The following ANO7 variants were observed in gnomAD, a reference collection of about 807,000 sequenced individuals.
ANO7 encodes the protein anoctamin 7.
ANO7 carries 114 observed loss-of-function variants against 115.8 expected under a neutral mutation model. That is an observed-to-expected ratio of 0.98 (90% CI 0.85 to 1.15). ANO7 has a LOEUF of 1.15. Ranked by LOEUF, ANO7 falls within the 50% of genes most tolerant of loss-of-function variation. ANO7 has a pLI of 0.00. For missense variants in ANO7, 1,302 were observed against 1,201.2 expected (o/e 1.08, Z -1.24); for synonymous variants, 550 against 498.2 (o/e 1.10, Z -1.38).
chr2:241,235,018 G>A, the ANO7 span: 3 of 1,408,988 alleles, frequency 2.1e-6, no homozygotes, highest in Non-Finnish European at 2.9e-6. Context: ...CCAGCCAGAT[G>A]TCGCTGGGAT....
chr2:241,215,418 G>A (rs1268014441), intron 18 of ANO7, among the ~76,000 whole-genome samples: 1 of 152,192 alleles, frequency 6.6e-6, no homozygotes, highest in Non-Finnish European at 1.5e-5. Context: ...CCCGCTCAAG[G>A]CCAGACTGAC....
intron 2 of ANO7, among the ~76,000 whole-genome samples, chr2:241,190,546 G>A (rs2068175595): frequency 6.6e-6 from 1 of 152,232 alleles, no homozygotes; most frequent in African/African-American, 2.4e-5. Flanking sequence ...TTGTCACTAG[G>A]AGGCCATGGA....
the ANO7 span, among the ~76,000 whole-genome samples, chr2:241,232,503 T>A: frequency 6.6e-6 from 1 of 152,186 alleles, no homozygotes; most frequent in African/African-American, 2.4e-5. Context: ...CTTGAACTCC[T>A]GACCTCAGGG....
the ANO7 span, chr2:241,231,033 A>G: frequency 1.8e-6 from 2 of 1,116,960 alleles, no homozygotes; most frequent in Non-Finnish European, 2.6e-6. Flanking sequence ...TGAGGAAAAC[A>G]GCTCAGGAGA....
At chr2:241,198,327 C>T (rs1230645946) in intron 4 of ANO7, among the ~76,000 whole-genome samples, 1 of 152,204 alleles carries the variant, frequency 6.6e-6, no homozygotes, top group Non-Finnish European at 1.5e-5. Context: ...CTAACAGCCA[C>T]CCCACTCCTG....
chr2:241,190,217 C>T lies in ANO7; in HGVS notation c.108+46C>T, dbSNP rs559632164. On this transcript the variant is annotated intron_variant, in intron 2 of 24. Transcript: ENST00000674324. ...GTGGTGCGACTTGAGAGGTCCTCCC[C>T]TGCCTGGGTCTATGCCCCCACCCTG... The T allele has an allele frequency of 7.5e-5, 112 of 1,497,966 alleles. No individual in the cohort carries two copies. In the South Asian group the frequency reaches 1.3e-3, roughly 17 times the overall value. The allele number at this position is 1,497,966 out of a possible 1,614,324, so 92.8% of individuals were successfully genotyped here.
chr2:241,196,838 CGTGTGTGTGT>C (rs60120827), intron 4 of ANO7, among the ~76,000 whole-genome samples: 39,251 of 146,718 alleles, frequency 0.27, 6,422 homozygotes, highest in Middle Eastern at 0.43. Flanking sequence ...TCAATTCATT[CGTGTGTGTGT>C]GTGTGTGTGT....
chr2:241,195,983 A>G, intron 4 of ANO7, 138 bp downstream of exon 4: 1 of 1,548,642 alleles, frequency 6.5e-7, no homozygotes. Context: ...TGGACCCCCC[A>G]GCCACCGTGA....
In ANO7 at chr2:241,190,060, C is replaced by G. The variant is rs2068156592; in HGVS notation, c.-4C>G. ...CACCCGGCCTTGCTGGGTGCAGGAGCAGGATGCTGCGGCGACGGGCCCAGG... is the reference window on the plus strand; with the variant it reads ...CACCCGGCCTTGCTGGGTGCAGGAGGAGGATGCTGCGGCGACGGGCCCAGG... On this transcript the variant is annotated 5_prime_UTR_variant, in exon 2 of 25. Transcript: ENST00000674324. The G allele has an allele frequency of 1.9e-6, 3 of 1,569,830 alleles. No homozygotes were observed. In the East Asian group the frequency reaches 7.1e-5, roughly 37 times the overall value.
At chr2:241,221,170 G>C (rs1177323772) in intron 21 of ANO7, among the ~76,000 whole-genome samples, 1 of 150,802 alleles carries the variant, frequency 6.6e-6, no homozygotes, top group Non-Finnish European at 1.5e-5. Context: ...CCGCCTCCCG[G>C]GTTCAAGCGA....
At chr2:241,239,836 G>C in the ANO7 span, 1 of 1,612,372 alleles carries the variant, frequency 6.2e-7, no homozygotes, top group Non-Finnish European at 8.5e-7. The surrounding 1 kb of genome is among the most constrained non-coding windows in gnomAD (Gnocchi z 4.6). Context: ...GTGTTAAGAA[G>C]AGATGGAAGA....
At chr2:241,211,109 A>G (rs998093590) in intron 15 of ANO7, among the ~76,000 whole-genome samples, 10 of 152,310 alleles carry the variant, frequency 6.6e-5, no homozygotes, top group African/African-American at 2.4e-4. Flanking sequence ...TTAAAAGAGC[A>G]GTGAGCAGGG....
chr2:241,237,440 T>G, the ANO7 span, among the ~76,000 whole-genome samples: 9 of 152,182 alleles, frequency 5.9e-5, no homozygotes, highest in African/African-American at 2.2e-4. Flanking sequence ...ACAACAATAA[T>G]TATCACTAAG....
At chr2:241,196,113 T>C (rs887764442) in intron 4 of ANO7, 2 of 1,386,362 alleles carry the variant, frequency 1.4e-6, no homozygotes, top group Non-Finnish European at 1.9e-6. Context: ...ACTCTGACAC[T>C]ACCTTTGCCA....
At chr2:241,239,973 C>G in the ANO7 span, 1 of 1,614,228 alleles carries the variant, frequency 6.2e-7, no homozygotes, top group Middle Eastern at 1.6e-4. This position sits in a 1 kb window ranked among gnomAD's most constrained non-coding sequence, Gnocchi z 4.6. Flanking sequence ...TGATGGTGAT[C>G]AGGTCCTGGT....
At chr2:241,208,354 C>A (rs1382166418) in intron 11 of ANO7, among the ~76,000 whole-genome samples, 1 of 152,236 alleles carries the variant, frequency 6.6e-6, no homozygotes, top group Non-Finnish European at 1.5e-5. Context: ...CCCCAGGCCT[C>A]TCTCCTGGTT....
chr2:241,223,459 T>C, intron 22 of ANO7, 183 bp downstream of exon 22: 6 of 1,022,442 alleles, frequency 5.9e-6, no homozygotes, highest in Non-Finnish European at 8.9e-6. Context: ...GGTTGTGGTG[T>C]GGACATTGTG....
chr2:241,190,804 G>A (rs1367017889), intron 2 of ANO7, among the ~76,000 whole-genome samples: 1 of 152,226 alleles, frequency 6.6e-6, no homozygotes, highest in Non-Finnish European at 1.5e-5. Flanking sequence ...TGTCCTCAGG[G>A]CCCCTTTGGG....
At position 241,210,336 on chromosome 2, in the gene ANO7, C is replaced by T; in HGVS notation, c.1401C>T (p.Tyr467=). The part of the protein sequence containing the change: ...VVMCLVSIIL[Y]RAIMAIVVSR... ...TGTGCCTCGTGTCTATCATCCTGTACCGTGCCATCATGGCCATCGTGGTGT... is the reference window on the plus strand; with the variant it reads ...TGTGCCTCGTGTCTATCATCCTGTATCGTGCCATCATGGCCATCGTGGTGT... Residue 467 remains tyrosine (Y), a synonymous_variant, in exon 14 of 25, where the codon TAC becomes TAT. Coordinates refer to ENST00000674324, the MANE Select transcript of ANO7 (RefSeq NM_001370694.2). The T allele has an allele frequency of 6.2e-7, 1 of 1,614,062 alleles. No homozygotes were observed. Among genetic ancestry groups the T allele is most frequent in the Non-Finnish European group, 8.5e-7 (1 of 1,179,988 alleles).
Sources: gnomAD v4.1 joint callset for allele counts (sites outside exome capture counted in the v4.1 genomes callset) on GRCh38, gnomAD v4.1.1 for gene constraint, Gnocchi (gnomAD v3.1) non-coding constraint, MANE v1.5 for transcripts, NCBI Gene and HGNC (gene_info 2026-07-23, HGNC 2026-07-21) for gene names.